Variants in SLIT2 observed in about 807,000 individuals in gnomAD.
The protein encoded by SLIT2 is slit homolog 2 protein.
A neutral mutation model predicts 185.7 loss-of-function variants in SLIT2; 41 were observed. That is an observed-to-expected ratio of 0.22 (90% CI 0.17 to 0.29). SLIT2 has a LOEUF of 0.29. Ranked by LOEUF, SLIT2 falls within the 10% of genes least tolerant of loss-of-function variation. The pLI, the probability that SLIT2 is intolerant of heterozygous loss-of-function variation, is 1.00. For synonymous variants in SLIT2, 693 were observed against 680.2 expected, an observed-to-expected ratio of 1.02 and a Z score of -0.29; for missense variants, 1,571 against 1,909.0, an observed-to-expected ratio of 0.82 and a Z score of 3.30.
intron 4 of SLIT2, among the ~76,000 whole-genome samples, chr4:20,320,155 C>T (rs952767380): frequency 6.6e-6 from 1 of 152,188 alleles, no homozygotes; most frequent in Non-Finnish European, 1.5e-5. Flanking sequence ...TACAGATAAA[C>T]ATGAAGAAGA....
At chr4:20,476,743 G>A (rs1716150567) in intron 5 of SLIT2, among the ~76,000 whole-genome samples, 1 of 152,102 alleles carries the variant, frequency 6.6e-6, no homozygotes, top group South Asian at 2.1e-4. Flanking sequence ...TGTTGTATAT[G>A]TAATTCAAAC....
intron 5 of SLIT2, among the ~76,000 whole-genome samples, chr4:20,471,972 C>A (rs1715086462): frequency 6.6e-6 from 1 of 151,738 alleles, no homozygotes. Flanking sequence ...ACAATTTAAA[C>A]TACTTTTTCC....
rs143968756 is a variant in SLIT2 at position 20,424,775 on chromosome 4, C to T, written c.396-42977C>T. Among the ~76,000 whole-genome samples the T allele has an allele frequency of 1.2e-3, 188 of 152,146 alleles. 1 individual carries two copies. Among genetic ancestry groups the T allele is most frequent in the African/African-American group, 4.3e-3 (178 of 41,538 alleles). On this transcript the variant is annotated intron_variant, in intron 4 of 36. Transcript: ENST00000504154. ...AGGCCCCCCTGCTTTCAGAGATTTA[C>T]CAGGTGTTCATTACCTTTTGTTTTC...
At chr4:20,536,217 A>C (rs2148868941) in intron 18 of SLIT2, among the ~76,000 whole-genome samples, 1 of 152,272 alleles carries the variant, frequency 6.6e-6, no homozygotes, top group South Asian at 2.1e-4. Flanking sequence ...TGGTGAGTGA[A>C]CGTGAGGGCA....
chr4:20,510,439 A>T, intron 9 of SLIT2, 56 bp from the exon 10 acceptor site: 1 of 1,090,270 alleles, frequency 9.2e-7, no homozygotes, highest in Non-Finnish European at 1.4e-6. Context: ...AGCTTGAATT[A>T]AACATGTCCG....
At chr4:20,282,377 C>A (rs866593257) in intron 4 of SLIT2, among the ~76,000 whole-genome samples, 3 of 152,094 alleles carry the variant, frequency 2.0e-5, no homozygotes, top group African/African-American at 7.2e-5. Context: ...AACTATTATA[C>A]CCCCAATCAT....
intron 4 of SLIT2, among the ~76,000 whole-genome samples, chr4:20,460,786 A>T (rs1016202716): frequency 6.6e-6 from 1 of 152,200 alleles, no homozygotes; most frequent in Non-Finnish European, 1.5e-5. Flanking sequence ...ACAGAAAGAC[A>T]AATTCCACAT....
At chr4:20,529,562 A>G (rs897709071) in intron 16 of SLIT2, among the ~76,000 whole-genome samples, 5 of 152,346 alleles carry the variant, frequency 3.3e-5, no homozygotes, top group East Asian at 3.9e-4. Context: ...AGAAGGATTC[A>G]GTGGTTATCA....
intron 8 of SLIT2, among the ~76,000 whole-genome samples, chr4:20,491,359 G>A (rs1717765667): frequency 6.6e-6 from 1 of 152,106 alleles, no homozygotes; most frequent in African/African-American, 2.4e-5. Context: ...AAATTACAAA[G>A]TAAATAAAGC....
chr4:20,472,273 T>TAG (rs1715187976), intron 5 of SLIT2, among the ~76,000 whole-genome samples: 1 of 35,004 alleles, frequency 2.9e-5, no homozygotes, highest in Non-Finnish European at 4.4e-5. Context: ...TATAGATATA[T>TAG]ATCTATATAT....
At chr4:20,432,063 A>G (rs1449406395) in intron 4 of SLIT2, among the ~76,000 whole-genome samples, 1 of 151,868 alleles carries the variant, frequency 6.6e-6, no homozygotes, top group African/African-American at 2.4e-5. Flanking sequence ...CAAAATGTGA[A>G]TGAATGAAGG....
At chr4:20,392,544 A>G (rs540981478) in intron 4 of SLIT2, among the ~76,000 whole-genome samples, 9 of 152,286 alleles carry the variant, frequency 5.9e-5, no homozygotes, top group Non-Finnish European at 8.8e-5. Context: ...TAACTCTAGC[A>G]TACTGTAACT....
At chr4:20,481,301 T>G (rs1716677336) in intron 6 of SLIT2, among the ~76,000 whole-genome samples, 1 of 152,178 alleles carries the variant, frequency 6.6e-6, no homozygotes, top group Non-Finnish European at 1.5e-5. Flanking sequence ...GACTTTGTAA[T>G]GTACAACACG....
intron 34 of SLIT2, chr4:20,615,089 A>T (rs953660784): frequency 6.6e-6 from 1 of 152,180 alleles, no homozygotes; most frequent in African/African-American, 2.4e-5. Context: ...GAGCTATTAA[A>T]AATAGTTTTG....
intron 15 of SLIT2, among the ~76,000 whole-genome samples, chr4:20,526,815 T>A (rs530180870): frequency 2.0e-5 from 3 of 152,306 alleles, no homozygotes; most frequent in Admixed American, 1.3e-4. Flanking sequence ...TCCCCTTTTT[T>A]CCAAAAATTT....
At chr4:20,345,874 C>G (rs976304246) in intron 4 of SLIT2, among the ~76,000 whole-genome samples, 1 of 152,228 alleles carries the variant, frequency 6.6e-6, no homozygotes, top group South Asian at 2.1e-4. Flanking sequence ...GATCCCCTTT[C>G]TCCTATCTTC....
chr4:20,519,932 G>T (rs1422332337), intron 12 of SLIT2, among the ~76,000 whole-genome samples: 1 of 151,084 alleles, frequency 6.6e-6, no homozygotes, highest in African/African-American at 2.4e-5. Flanking sequence ...TACTCAGGAG[G>T]CTGAGGCAGG....
intron 32 of SLIT2, among the ~76,000 whole-genome samples, chr4:20,597,378 T>C (rs985216762): frequency 1.3e-5 from 2 of 152,130 alleles, no homozygotes; most frequent in African/African-American, 4.8e-5. Flanking sequence ...AACCAGCACC[T>C]TTTAACTCTT....
At chr4:20,363,899 G>A (rs1215406463) in intron 4 of SLIT2, among the ~76,000 whole-genome samples, 1 of 152,132 alleles carries the variant, frequency 6.6e-6, no homozygotes, top group Non-Finnish European at 1.5e-5. Flanking sequence ...AAGGATTGCT[G>A]TAAATTGTGG....
Sources: gnomAD v4.1 joint callset for allele counts (sites outside exome capture counted in the v4.1 genomes callset) on GRCh38, gnomAD v4.1.1 for gene constraint, MANE v1.5 for transcripts, NCBI Gene and HGNC (gene_info 2026-07-23, HGNC 2026-07-21) for gene names.